Variants in AXIN1 observed in about 807,000 individuals in gnomAD.
AXIN1 encodes axin 1.
AXIN1 carries 30 observed loss-of-function variants against 76.4 expected under a neutral mutation model. That is an observed-to-expected ratio of 0.39 (90% CI 0.29 to 0.53). AXIN1 has a LOEUF of 0.53. Ranked by LOEUF, AXIN1 falls within the 20% of genes least tolerant of loss-of-function variation. The pLI is 0.66. For missense variants in AXIN1, 1,140 were observed against 1,198.8 expected (o/e 0.95, Z 0.72); for synonymous variants, 545 against 501.4 (o/e 1.09, Z -1.16).
At chr16:320,963 C>T (rs1027920018) in intron 2 of AXIN1, among the ~76,000 whole-genome samples, 29 of 152,134 alleles carry the variant, frequency 1.9e-4, no homozygotes, top group Admixed American at 1.4e-3. Context: ...TGGTCTCGAA[C>T]GCCTGACCTT....
chr16:294,137 G>C (rs908613324), intron 7 of AXIN1, among the ~76,000 whole-genome samples: 1 of 152,034 alleles, frequency 6.6e-6, no homozygotes, highest in Non-Finnish European at 1.5e-5. Context: ...CTCCAGCCTG[G>C]GTGACAGAGT....
intron 9 of AXIN1, 134 bp from the exon 10 acceptor site, chr16:289,741 G>T: frequency 2.7e-6 from 3 of 1,110,644 alleles, no homozygotes; most frequent in Non-Finnish European, 3.9e-6. Flanking sequence ...CAAACACCTG[G>T]GGCCCGCAGC....
At chr16:291,614 A>C in intron 8 of AXIN1, 1 of 447,984 alleles carries the variant, frequency 2.2e-6, no homozygotes, top group Middle Eastern at 6.6e-4. Context: ...GTGGGATGAC[A>C]TCTCGTCCCG....
rs373751258 is a variant in AXIN1, at chr16:312,572, C to T, written c.1019+1971G>A. Among the ~76,000 whole-genome samples, 7 of 152,162 alleles carry T rather than the reference C, an allele frequency of 4.6e-5. No individual in the cohort carries two copies. The East Asian group carries it at 9.6e-4, about 21-fold the overall frequency. On this transcript the variant is annotated intron_variant, in intron 3 of 10. Transcript: ENST00000262320. ...CTGCACTGCACCCAACCACCTGGCC[C>T]GAGGCTTCAGGACCACGGCAGGCAC...
At chr16:335,071 G>GT (rs1293115557) in intron 2 of AXIN1, among the ~76,000 whole-genome samples, 1 of 152,140 alleles carries the variant, frequency 6.6e-6, no homozygotes, top group African/African-American at 2.4e-5. Context: ...ATGCACAGCA[G>GT]TAAGTGGACA....
intron 7 of AXIN1, among the ~76,000 whole-genome samples, chr16:295,224 G>A (rs912063170): frequency 2.6e-5 from 4 of 151,044 alleles, no homozygotes; most frequent in African/African-American, 9.7e-5. Context: ...TCCTGCCTCA[G>A]CCACCGAGTA....
At chr16:319,477 TG>T (rs2053389451) in intron 2 of AXIN1, among the ~76,000 whole-genome samples, 1 of 152,082 alleles carries the variant, frequency 6.6e-6, no homozygotes, top group African/African-American at 2.4e-5. Context: ...CAAACACCTG[TG>T]GGGTTTGACA....
chr16:301,848 G>C (rs1316690354), intron 5 of AXIN1, among the ~76,000 whole-genome samples: 2 of 152,212 alleles, frequency 1.3e-5, no homozygotes, highest in African/African-American at 4.8e-5. Flanking sequence ...CAGCAAAACA[G>C]CAAAGGCTTC....
intron 9 of AXIN1, chr16:289,849 A>C (rs1596965670): frequency 1.7e-6 from 1 of 588,618 alleles, no homozygotes; most frequent in Non-Finnish European, 3.0e-6. Context: ...TCACAGCCCC[A>C]CCCTCGACTG....
chr16:304,399 T>TCTGAGGCTCCACGCGGAC lies in AXIN1; in HGVS notation c.1141_1158dup (p.Val381_Gln386dup). The TCTGAGGCTCCACGCGGAC allele has an allele frequency of 6.2e-7, 1 of 1,612,734 alleles. No individual in the cohort carries two copies. The highest frequency in any genetic ancestry group is 8.5e-7 in the Non-Finnish European group (1 of 1,179,952). ...CGGTGGATGAGCTCCTCCGCGAACT[T>TCTGAGGCTCCACGCGGAC]CTGAGGCTCCACGCGGACCTCCTTC... On this transcript the variant is annotated inframe_insertion, in exon 5 of 11. Coordinates refer to ENST00000262320, the MANE Select transcript of AXIN1 (RefSeq NM_003502.4).
intron 2 of AXIN1, among the ~76,000 whole-genome samples, chr16:317,658 G>A (rs2053334847): frequency 6.6e-6 from 1 of 152,198 alleles, no homozygotes; most frequent in African/African-American, 2.4e-5. Context: ...TTCACTCCTC[G>A]TCTCCTCTCT....
At chr16:312,638 T>G (rs7359414) in intron 3 of AXIN1, among the ~76,000 whole-genome samples, 81,532 of 152,072 alleles carry the variant, frequency 0.54, 22,481 homozygotes, top group South Asian at 0.7. Context: ...GCTGCTAAAA[T>G]CACGTCAACA....
chr16:304,308 C>A lies in AXIN1; in HGVS notation c.1250G>T (p.Arg417Leu), dbSNP rs757610038. The A allele has an allele frequency of 1.3e-5, 21 of 1,611,560 alleles. No individual in the cohort carries two copies. Among genetic ancestry groups the A allele is most frequent in the South Asian group, 5.5e-5 (5 of 91,064 alleles). Residue 417 changes from arginine to leucine, a missense_variant, in exon 5 of 11, where the codon CGC becomes CTC. Arg to Leu is a moderately radical substitution (Grantham distance 102). This residue lies in a region of AXIN1 where 708 missense variants were observed against 776.9 expected (regional missense o/e 0.91). Coordinates refer to ENST00000262320, the MANE Select transcript of AXIN1 (RefSeq NM_003502.4). ...ACACCGACGCGGCCCACTCACCATG[C>A]GCACGCGCTTCAGCCGCTCCTCCAG... ...EKLEERLKRV[R>L]MEEEGEDGDP... is the part of the protein sequence containing the mutation.
At position 346,977 on chromosome 16, in the gene AXIN1, T is replaced by C. The variant is rs1463697168; in HGVS notation, c.49A>G (p.Thr17Ala). 6 of 1,614,218 alleles carry C rather than the reference T, an allele frequency of 3.7e-6. No individual in the cohort carries two copies. The highest frequency in any genetic ancestry group is 5.1e-6 in the Non-Finnish European group (6 of 1,180,032). The stretch of plus-strand genomic sequence containing the variant: ...ACTGGGGGTCGGGGAGCATCTTCGG[T>C]GAAACTTGCTCCGAGGTCCAAGGGG... ...GFPLDLGASF[T>A]EDAPRPPVPG... The change falls in exon 2 of 11, where the codon ACC becomes GCC. Residue 17 changes from threonine to alanine, a missense_variant. Around this residue, in one of 3 missense-constraint regions of AXIN1, gnomAD observed 708 missense variants for 776.9 expected, o/e 0.91. Coordinates refer to ENST00000262320, the MANE Select transcript of AXIN1 (RefSeq NM_003502.4).
chr16:336,768 G>A lies in AXIN1; in HGVS notation c.878+9380C>T, dbSNP rs564174224. 2.0e-5 allele frequency among the ~76,000 whole-genome samples: 3 copies of A among 148,286 alleles called. No homozygotes were observed. The South Asian group carries it at 6.3e-4, about 31-fold the overall frequency. On this transcript the variant is annotated intron_variant, in intron 2 of 10. Transcript: ENST00000262320. ...GGAGGCGGAGGTTGCAGTGAGCTGA[G>A]GTTGCACCACTGCACTCCAGTCTGG...
chr16:348,705 A>G (rs1597130874), intron 1 of AXIN1, among the ~76,000 whole-genome samples: 1 of 152,154 alleles, frequency 6.6e-6, no homozygotes, highest in Non-Finnish European at 1.5e-5. Context: ...TGGAAGACTG[A>G]GGCAAGAGGA....
chr16:305,645 G>T (rs897406917), intron 4 of AXIN1, among the ~76,000 whole-genome samples: 1 of 152,082 alleles, frequency 6.6e-6, no homozygotes, highest in Non-Finnish European at 1.5e-5. Context: ...CCGGGTTCAC[G>T]CCATTCTCCT....
chr16:343,208 G>A (rs1453414841), intron 2 of AXIN1, among the ~76,000 whole-genome samples: 1 of 152,188 alleles, frequency 6.6e-6, no homozygotes, highest in Non-Finnish European at 1.5e-5. Context: ...GACAGGAGAA[G>A]CCAATGTATC....
At chr16:317,990 C>T (rs1287206895) in intron 2 of AXIN1, among the ~76,000 whole-genome samples, 2 of 152,258 alleles carry the variant, frequency 1.3e-5, no homozygotes, top group African/African-American at 4.8e-5. Context: ...TCTACGTCCA[C>T]GGCACACGGG....
Sources: allele counts gnomAD v4.1 joint callset (sites outside exome capture counted in the v4.1 genomes callset), GRCh38; gene constraint gnomAD v4.1.1; regional missense constraint gnomAD v4.1.1; transcripts MANE v1.5; gene names NCBI Gene and HGNC (gene_info 2026-07-23, HGNC 2026-07-21).